MALRD1: variants seen among roughly 807,000 people sequenced by gnomAD.
The protein encoded by MALRD1 is MAM and LDL receptor class A domain containing 1, also known as MAM and LDL-receptor class A domain-containing protein 1.
In MALRD1, 247 loss-of-function variants were observed where a neutral mutation model predicts 242.1. The ratio of observed to expected loss-of-function variants is 1.02; its 90% confidence interval spans 0.92 to 1.13. The LOEUF (loss-of-function observed/expected upper bound fraction) is 1.13, where lower values mean the gene tolerates loss of function less well. Among genes scored for constraint, MALRD1 ranks in the 50% most tolerant of loss-of-function variants. MALRD1 has a pLI of 0.00. For missense variants in MALRD1, 2,989 were observed against 2,533.1 expected (o/e 1.18, Z -3.86); for synonymous variants, 995 against 866.6 (o/e 1.15, Z -2.60).
At chr10:19,718,693 T>C (rs1373745922) in intron 38 of MALRD1, among the ~76,000 whole-genome samples, 1 of 152,210 alleles carries the variant, frequency 6.6e-6, no homozygotes, top group Non-Finnish European at 1.5e-5. Context: ...AAAGGTTGAA[T>C]AATGCTGTGT....
At chr10:19,131,550 T>G (rs74913191) in intron 8 of MALRD1, among the ~76,000 whole-genome samples, 9,375 of 152,198 alleles carry the variant, frequency 0.062, 313 homozygotes, top group South Asian at 0.14. Context: ...TATTTACCAA[T>G]AAATTTACAT....
At chr10:19,364,039 A>G (rs1845009849) in intron 26 of MALRD1, among the ~76,000 whole-genome samples, 2 of 152,104 alleles carry the variant, frequency 1.3e-5, no homozygotes, top group African/African-American at 4.8e-5. Context: ...GATGGAAAGG[A>G]TTGTGAAGGG....
At position 19,124,533 on chromosome 10, in the gene MALRD1, C is replaced by A. The variant is rs571544821; in HGVS notation, c.806C>A (p.Ala269Asp). ...ATDEELRLCQ[A>D]CGFEFDMCEW... ...TTTTTCTCCCGTTTAGTGTGTCAGG[C>A]CTGTGGGTTTGAATTTGACATGTGT... Residue 269 changes from alanine (A) to aspartate (D), a missense_variant, in exon 7 of 40, where the codon GCC (alanine) becomes GAC (aspartate). Ala to Asp is a moderately radical substitution (Grantham distance 126). Coordinates refer to ENST00000454679, the MANE Select transcript of MALRD1 (RefSeq NM_001142308.3). 745 of 1,233,740 alleles carry A rather than the reference C, an allele frequency of 6.0e-4. No homozygotes were observed. The highest frequency in any genetic ancestry group is 8.2e-4 in the South Asian group (20 of 24,404). 76.4% of individuals were successfully genotyped at this position (1,233,740 alleles called of 1,614,324 possible).
chr10:19,608,689 A>G (rs1411732774), intron 35 of MALRD1, among the ~76,000 whole-genome samples: 4 of 152,110 alleles, frequency 2.6e-5, no homozygotes, highest in Non-Finnish European at 5.9e-5. Flanking sequence ...CTTTCAAGAG[A>G]GGAAAATATT....
At chr10:19,054,833 C>T (rs528566336) in intron 1 of MALRD1, among the ~76,000 whole-genome samples, 15 of 152,234 alleles carry the variant, frequency 9.9e-5, no homozygotes, top group East Asian at 5.8e-4. Context: ...TACATCTTGG[C>T]GATTGTGAAT....
intron 7 of MALRD1, among the ~76,000 whole-genome samples, chr10:19,125,299 TTCC>T (rs1837224508): frequency 6.0e-5 from 3 of 50,378 alleles, no homozygotes; most frequent in African/African-American, 3.8e-4. Context: ...CTTTCCTTCC[TTCC>T]TTCCTTCCTT....
chr10:19,373,979 C>A (rs1845494837), intron 26 of MALRD1, among the ~76,000 whole-genome samples: 1 of 152,158 alleles, frequency 6.6e-6, no homozygotes, highest in Non-Finnish European at 1.5e-5. Flanking sequence ...AAATACAGTT[C>A]TTTACTGCTC....
chr10:19,356,665 G>A (rs1844650165), intron 26 of MALRD1, among the ~76,000 whole-genome samples: 1 of 151,990 alleles, frequency 6.6e-6, no homozygotes, highest in East Asian at 1.9e-4. Context: ...GGTACTCATG[G>A]CTATTGGTTA....
At chr10:19,078,476 T>C (rs1012027954) in intron 2 of MALRD1, among the ~76,000 whole-genome samples, 5 of 151,966 alleles carry the variant, frequency 3.3e-5, no homozygotes, top group Non-Finnish European at 7.4e-5. Context: ...TGTTGTTCTC[T>C]TGTTTGCTTT....
intron 1 of MALRD1, among the ~76,000 whole-genome samples, chr10:19,058,258 A>G (rs1378398500): frequency 1.3e-5 from 2 of 152,174 alleles, no homozygotes; most frequent in Non-Finnish European, 2.9e-5. Flanking sequence ...ATCAATACCA[A>G]CCACCATACC....
At chr10:19,582,557 G>A (rs1380664102) in intron 33 of MALRD1, among the ~76,000 whole-genome samples, 1 of 137,266 alleles carries the variant, frequency 7.3e-6, no homozygotes, top group Non-Finnish European at 1.6e-5. Flanking sequence ...ATTTCTGAGG[G>A]CTCTGTTCTG....
chr10:19,503,935 A>G (rs1838085223), intron 31 of MALRD1, among the ~76,000 whole-genome samples: 1 of 152,342 alleles, frequency 6.6e-6, no homozygotes, highest in Admixed American at 6.5e-5. Flanking sequence ...GTAAATAACT[A>G]TGGAATCAAA....
At chr10:19,128,809 T>G (rs1184916088) in intron 8 of MALRD1, among the ~76,000 whole-genome samples, 1 of 152,124 alleles carries the variant, frequency 6.6e-6, no homozygotes, top group Non-Finnish European at 1.5e-5. Context: ...AGACTGGTAA[T>G]TATTGATTAA....
chr10:19,253,742 C>A (rs1215491903), intron 18 of MALRD1, among the ~76,000 whole-genome samples: 1 of 151,954 alleles, frequency 6.6e-6, no homozygotes, highest in Non-Finnish European at 1.5e-5. Context: ...ACCATTCCCC[C>A]AAATCTTCCA....
intron 38 of MALRD1, among the ~76,000 whole-genome samples, chr10:19,709,985 G>T (rs1010242027): frequency 1.3e-5 from 2 of 152,100 alleles, no homozygotes; most frequent in African/African-American, 4.8e-5. Flanking sequence ...TGTTGGGCAG[G>T]TGCAAAATCA....
intron 29 of MALRD1, among the ~76,000 whole-genome samples, chr10:19,478,334 A>G (rs1836836706): frequency 6.6e-6 from 1 of 152,210 alleles, no homozygotes; most frequent in African/African-American, 2.4e-5. Context: ...TATCAGATGT[A>G]TATGACGTCG....
intron 29 of MALRD1, among the ~76,000 whole-genome samples, chr10:19,467,604 A>G (rs1449336193): frequency 6.6e-6 from 1 of 151,620 alleles, no homozygotes; most frequent in African/African-American, 2.4e-5. Flanking sequence ...TCACCCCACA[A>G]TAATGCTGCA....
intron 29 of MALRD1, among the ~76,000 whole-genome samples, chr10:19,459,171 G>GTTTA (rs1248909722): frequency 8.6e-5 from 13 of 152,034 alleles, no homozygotes. Context: ...TCCTTTGCAG[G>GTTTA]TTTATTCAAC....
intron 32 of MALRD1, among the ~76,000 whole-genome samples, chr10:19,535,603 AAAG>A (rs1238227883): frequency 6.6e-6 from 1 of 151,552 alleles, no homozygotes; most frequent in Non-Finnish European, 1.5e-5. Context: ...CAGGGAAAAG[AAAG>A]AAATGGAGAA....
Sources: gnomAD v4.1 joint callset for allele counts (sites outside exome capture counted in the v4.1 genomes callset) on GRCh38, gnomAD v4.1.1 for gene constraint, MANE v1.5 for transcripts, NCBI Gene and HGNC (gene_info 2026-07-23, HGNC 2026-07-21) for gene names.